OR6C2: variants seen among roughly 807,000 people sequenced by gnomAD.
OR6C2 encodes the protein olfactory receptor 6C2.
For synonymous variants in OR6C2, 146 were observed against 134.2 expected, an observed-to-expected ratio of 1.09 and a Z score of -0.61; for missense variants, 435 against 365.8, an observed-to-expected ratio of 1.19 and a Z score of -1.54.
At position 55,452,632 on chromosome 12, in the gene OR6C2, C is replaced by G; in HGVS notation, c.419C>G (p.Thr140Ser). Residue 140 changes from threonine to serine, a missense_variant, in exon 2 of 2, where the codon ACC (threonine) becomes AGC (serine). Thr to Ser is a moderately conservative substitution (Grantham distance 58). Transcript: ENST00000641202. ...GTCATCATGAACAACAGGGTGTGTA[C>G]CTTATTAGTTCTCTGCTGTTGGGTG... is the stretch of plus-strand genomic sequence containing the variant. The part of the protein sequence containing the change: ...YVVIMNNRVC[T>S]LLVLCCWVAG... 1 of 1,613,730 alleles carries G rather than the reference C, an allele frequency of 6.2e-7. No individual in the cohort carries two copies. Among genetic ancestry groups the G allele is most frequent in the Non-Finnish European group, 8.5e-7 (1 of 1,179,838 alleles).
At position 55,452,718 on chromosome 12, in the gene OR6C2, T is replaced by TC. The variant is rs1871507046; in HGVS notation, c.507dup (p.Asn170GlnfsTer4). The TC allele has an allele frequency of 1.2e-6, 2 of 1,613,758 alleles. No homozygotes were observed. Among genetic ancestry groups the TC allele is most frequent in the Admixed American group, 3.3e-5 (2 of 59,940 alleles). ...AGGCCTCCAGCTCGAATTCTGTGAC[T>TC]CCAATGCCATTGATCATTTTAGCTG... On this transcript the variant is annotated frameshift_variant, in exon 2 of 2. Transcript: ENST00000641202. LOFTEE classifies it low-confidence loss of function (END_TRUNC).
chr12:55,446,578 G>T (rs577954728), intron 1 of OR6C2, among the ~76,000 whole-genome samples: 1 of 152,162 alleles, frequency 6.6e-6, no homozygotes, highest in African/African-American at 2.4e-5. Flanking sequence ...CAAAGAGAGA[G>T]AAGGATCCAG....
At chr12:55,447,945 A>G (rs1013451230) in intron 1 of OR6C2, among the ~76,000 whole-genome samples, 4 of 152,018 alleles carry the variant, frequency 2.6e-5, no homozygotes, top group African/African-American at 9.7e-5. Flanking sequence ...ACCATTTTAC[A>G]TTTCTAACCA....
chr12:55,446,507 C>T (rs943217780), intron 1 of OR6C2, among the ~76,000 whole-genome samples: 5 of 152,136 alleles, frequency 3.3e-5, no homozygotes, highest in Non-Finnish European at 7.3e-5. Context: ...TCATATTTTC[C>T]AACAGCTAGG....
intron 1 of OR6C2, among the ~76,000 whole-genome samples, chr12:55,450,541 T>C: frequency 6.6e-6 from 1 of 152,124 alleles, no homozygotes; most frequent in East Asian, 1.9e-4. Context: ...AGAAGGAGCA[T>C]GACTTGACTT....
chr12:55,453,266 A>C lies in OR6C2; in HGVS notation c.*114A>C. On this transcript the variant is annotated 3_prime_UTR_variant, in exon 2 of 2. Coordinates refer to ENST00000641202, the MANE Select transcript of OR6C2 (RefSeq NM_054105.2). ...ACAGTTTAGTCATGTGAACCTTCTC[A>C]ATGACATTTAATATTGCATCCTAAT... 4 of 687,072 alleles carry C rather than the reference A, an allele frequency of 5.8e-6. No individual in the cohort carries two copies. The highest frequency in any genetic ancestry group is 9.8e-6 in the Non-Finnish European group (4 of 406,928). The allele number at this position is 687,072 out of a possible 1,614,324, so 42.6% of individuals were successfully genotyped here.
At position 55,453,345 on chromosome 12, in the gene OR6C2, T is replaced by G. The variant is rs1487129884; in HGVS notation, c.*193T>G. ...CGAACCAAGGTCATACATTGTGTTT[T>G]CCCTCATTGTGAAACTAAAAATTAC... On this transcript the variant is annotated 3_prime_UTR_variant, in exon 2 of 2. Coordinates refer to ENST00000641202, the MANE Select transcript of OR6C2 (RefSeq NM_054105.2). 2.0e-6 allele frequency: 1 copy of G among 508,978 alleles called. No individual in the cohort carries two copies. The highest frequency in any genetic ancestry group is 3.5e-6 in the Non-Finnish European group (1 of 289,560). The allele number at this position is 508,978 out of a possible 1,614,324, so 31.5% of individuals were successfully genotyped here.
chr12:55,453,252 A>T lies in OR6C2; in HGVS notation c.*100A>T. 1 of 778,036 alleles carries T rather than the reference A, an allele frequency of 1.3e-6. No individual in the cohort carries two copies. The highest frequency in any genetic ancestry group is 2.7e-5 in the East Asian group (1 of 37,394). 48.2% of individuals were successfully genotyped at this position (778,036 alleles called of 1,614,324 possible). The stretch of plus-strand genomic sequence containing the variant: ...ATTGCTTCCTGACTACAGTTTAGTC[A>T]TGTGAACCTTCTCAATGACATTTAA... On this transcript the variant is annotated 3_prime_UTR_variant, in exon 2 of 2. Coordinates refer to ENST00000641202, the MANE Select transcript of OR6C2 (RefSeq NM_054105.2).
chr12:55,448,255 G>A (rs1265694832), intron 1 of OR6C2, among the ~76,000 whole-genome samples: 1 of 151,654 alleles, frequency 6.6e-6, no homozygotes, highest in Non-Finnish European at 1.5e-5. Flanking sequence ...GCCCTTATCA[G>A]ATATATGGTC....
chr12:55,452,923 C>T lies in OR6C2; in HGVS notation c.710C>T (p.Ser237Phe). ...GTTCAGCAAAGGAAAAAGGCCTTTTCTACCTGTTCATCCCACATGATTGTG... is the reference window on the plus strand; with the variant it reads ...GTTCAGCAAAGGAAAAAGGCCTTTTTTACCTGTTCATCCCACATGATTGTG... ...PSVQQRKKAF[S>F]TCSSHMIVVS... The change falls in exon 2 of 2, where the codon TCT (serine) becomes TTT (phenylalanine). Residue 237 changes from serine to phenylalanine, a missense_variant. By Grantham distance (155) the Ser-to-Phe change is radical (BLOSUM62 -2). Transcript: ENST00000641202. 1 of 1,613,772 alleles carries T rather than the reference C, an allele frequency of 6.2e-7. No individual in the cohort carries two copies. The highest frequency in any genetic ancestry group is 8.5e-7 in the Non-Finnish European group (1 of 1,179,776).
In OR6C2 at chr12:55,451,922, A is replaced by G. The variant is rs1871480568; in HGVS notation, c.-292A>G. The G allele has an allele frequency of 7.0e-6, 2 of 286,018 alleles. No individual in the cohort carries two copies. Among genetic ancestry groups the G allele is most frequent in the Non-Finnish European group, 1.3e-5 (2 of 154,648 alleles). 17.7% of individuals were successfully genotyped at this position (286,018 alleles called of 1,614,324 possible). A position where few individuals can be genotyped will look rare whatever the true frequency, so the allele number is the denominator to read the frequency against. ...TTTGTAAATCCATTCCATGTAACAA[A>G]CTACAATCAACTGCATTTGTAAATT... On this transcript the variant is annotated 5_prime_UTR_variant, in exon 2 of 2. Coordinates refer to ENST00000641202, the MANE Select transcript of OR6C2 (RefSeq NM_054105.2).
At chr12:55,447,800 G>C (rs1871390820) in intron 1 of OR6C2, among the ~76,000 whole-genome samples, 1 of 152,022 alleles carries the variant, frequency 6.6e-6, no homozygotes. Flanking sequence ...CAATATTTAA[G>C]AGTAAAGTTA....
At chr12:55,450,051 T>C (rs1426746726) in intron 1 of OR6C2, among the ~76,000 whole-genome samples, 3 of 152,074 alleles carry the variant, frequency 2.0e-5, no homozygotes, top group Non-Finnish European at 4.4e-5. Context: ...AAATCTGTTT[T>C]ATTTCTTCAC....
Position 55,452,735 on chromosome 12 carries a change from T to C in OR6C2, c.522T>C (p.His174=). The C allele has an allele frequency of 6.2e-7, 1 of 1,613,862 alleles. No homozygotes were observed. The highest frequency in any genetic ancestry group is 8.5e-7 in the Non-Finnish European group (1 of 1,179,832). ...TCTGTGACTCCAATGCCATTGATCA[T>C]TTTAGCTGTGATGCAGGTCCTCTCC... ...LEFCDSNAID[H]FSCDAGPLLK... is the part of the protein sequence containing the mutation. Residue 174 remains histidine (H), a synonymous_variant, in exon 2 of 2, where the codon CAT becomes CAC. Coordinates refer to ENST00000641202, the MANE Select transcript of OR6C2 (RefSeq NM_054105.2).
rs1871477029 is a variant in OR6C2 at position 55,451,753 on chromosome 12, A to G, written c.-461A>G. 6.5e-6 allele frequency: 1 copy of G among 152,926 alleles called. No individual in the cohort carries two copies. The highest frequency in any genetic ancestry group is 2.1e-4 in the South Asian group (1 of 4,840). The allele number at this position is 152,926 out of a possible 1,614,324, so 9.5% of individuals were successfully genotyped here. A position where few individuals can be genotyped will look rare whatever the true frequency, so the allele number is the denominator to read the frequency against. On this transcript the variant is annotated 5_prime_UTR_variant, in exon 2 of 2. An upstream open reading frame in the 5' UTR loses its in-frame stop. Coordinates refer to ENST00000641202, the MANE Select transcript of OR6C2 (RefSeq NM_054105.2). ...TTGTTTGTTTTTCAGGAAAAATGTA[A>G]TTTAATCTTAATACAATCCTCAGAT...
chr12:55,444,978 T>C (rs1472482320), intron 1 of OR6C2, among the ~76,000 whole-genome samples: 2 of 152,138 alleles, frequency 1.3e-5, no homozygotes, highest in Non-Finnish European at 1.5e-5. Context: ...AACCTCAGAA[T>C]ATTTGAAAAC....
rs201008141 is a variant in OR6C2, at chr12:55,452,415, G to A, written c.202G>A (p.Glu68Lys). 26 of 1,613,300 alleles carry A rather than the reference G, an allele frequency of 1.6e-5. No homozygotes were observed. Among genetic ancestry groups the A allele is most frequent in the South Asian group, 4.4e-5 (4 of 91,040 alleles). The change falls in exon 2 of 2, where the codon GAA becomes AAA. Residue 68 changes from glutamate (E) to lysine (K), a missense_variant. Coordinates refer to ENST00000641202, the MANE Select transcript of OR6C2 (RefSeq NM_054105.2). ...CTTTCTCAGAAATTTTTCCTTCTTA[G>A]AAGTCTCATTTACTACAGTCTGCAT... ...YFFLRNFSFL[E>K]VSFTTVCIPR... is the part of the protein sequence containing the mutation.
intron 1 of OR6C2, among the ~76,000 whole-genome samples, chr12:55,448,701 C>T (rs554631057): frequency 3.3e-4 from 45 of 136,462 alleles, no homozygotes; most frequent in African/African-American, 1.1e-3. Context: ...GCTATTGTAG[C>T]GTTGTTTTCC....
chr12:55,444,509 T>C (rs1400760674), intron 1 of OR6C2, among the ~76,000 whole-genome samples: 1 of 152,190 alleles, frequency 6.6e-6, no homozygotes, highest in East Asian at 1.9e-4. Flanking sequence ...TTGTAAATAT[T>C]CTCTTATGGT....
Sources: allele counts gnomAD v4.1 joint callset (sites outside exome capture counted in the v4.1 genomes callset), GRCh38; gene constraint gnomAD v4.1.1; transcripts MANE v1.5; gene names NCBI Gene and HGNC (gene_info 2026-07-23, HGNC 2026-07-21).